Variants in MEGF10 observed in about 807,000 individuals in gnomAD.
MEGF10 encodes multiple EGF like domains 10.
A neutral mutation model predicts 147.5 loss-of-function variants in MEGF10; 86 were observed. The observed-to-expected ratio is 0.58, with a 90% CI of 0.49 to 0.70. MEGF10 has a LOEUF of 0.70. MEGF10 is among the 30% of genes least tolerant of loss of function. The pLI is 0.00. For synonymous variants in MEGF10, 478 were observed against 525.5 expected (o/e 0.91, Z 1.24); for missense variants, 1,329 against 1,487.3 (o/e 0.89, Z 1.75).
intron 10 of MEGF10, among the ~76,000 whole-genome samples, chr5:127,418,459 C>G (rs1021221539): frequency 6.6e-6 from 1 of 152,214 alleles, no homozygotes; most frequent in African/African-American, 2.4e-5. Flanking sequence ...TAATGTAGAA[C>G]TGGTGGATCA....
the MEGF10 span, among the ~76,000 whole-genome samples, chr5:127,263,570 T>C: frequency 7.9e-5 from 12 of 152,280 alleles, 1 homozygote; most frequent in Admixed American, 5.2e-4. Flanking sequence ...GGATTGCTTT[T>C]CCTGAATTCT....
intron 8 of MEGF10, among the ~76,000 whole-genome samples, chr5:127,404,028 A>C (rs905874626): frequency 1.3e-5 from 2 of 152,182 alleles, no homozygotes; most frequent in Non-Finnish European, 2.9e-5. Context: ...ACTGTTCTCC[A>C]TAGTGGTTGT....
chr5:127,288,239 G>A (rs555559667), upstream of MEGF10, among the ~76,000 whole-genome samples: 3 of 152,014 alleles, frequency 2.0e-5, no homozygotes, highest in East Asian at 1.9e-4. Context: ...ACAAAAACAC[G>A]CTTGATAAAC....
At chr5:127,271,667 C>G in the MEGF10 span, among the ~76,000 whole-genome samples, 3 of 152,024 alleles carry the variant, frequency 2.0e-5, no homozygotes, top group African/African-American at 7.2e-5. Flanking sequence ...TGAGTTCTTA[C>G]AAGATCTGAT....
chr5:127,301,254 A>C (rs2126714079), intron 1 of MEGF10, among the ~76,000 whole-genome samples: 1 of 152,278 alleles, frequency 6.6e-6, no homozygotes, highest in African/African-American at 2.4e-5. Flanking sequence ...TTTTCTCTTG[A>C]GAAGACCCTT....
At chr5:127,390,619 A>G (rs1267598387) in intron 5 of MEGF10, among the ~76,000 whole-genome samples, 1 of 152,142 alleles carries the variant, frequency 6.6e-6, no homozygotes, top group East Asian at 1.9e-4. Flanking sequence ...TATAATTATG[A>G]TATCATAAAT....
chr5:127,451,786 A>T (rs1766163140), intron 22 of MEGF10, among the ~76,000 whole-genome samples: 1 of 152,198 alleles, frequency 6.6e-6, no homozygotes, highest in South Asian at 2.1e-4. Flanking sequence ...ACTCAGGAAT[A>T]ATTCTGCATT....
intron 22 of MEGF10, among the ~76,000 whole-genome samples, chr5:127,450,765 G>T (rs1389842045): frequency 4.0e-5 from 6 of 151,758 alleles, no homozygotes; most frequent in Non-Finnish European, 7.4e-5. Context: ...TTTTGTTTTT[G>T]TTTTTGTTTT....
At chr5:127,430,047 G>T (rs1055628007) in intron 13 of MEGF10, among the ~76,000 whole-genome samples, 11 of 151,992 alleles carry the variant, frequency 7.2e-5, no homozygotes, top group African/African-American at 2.2e-4. Context: ...ACACTTCTTT[G>T]GGCCTCTGAG....
intron 13 of MEGF10, chr5:127,424,252 C>T (rs1440737546): frequency 2.9e-6 from 2 of 691,174 alleles, no homozygotes; most frequent in East Asian, 2.7e-5. Context: ...CTTATGCCAG[C>T]ACCATACAGT....
intron 9 of MEGF10, among the ~76,000 whole-genome samples, chr5:127,417,076 C>G (rs1345269286): frequency 6.6e-6 from 1 of 152,234 alleles, no homozygotes; most frequent in African/African-American, 2.4e-5. Flanking sequence ...ACAGAGGGCC[C>G]TATTGTGTCA....
At chr5:127,339,082 G>T in intron 2 of MEGF10, 38 bp from the exon 3 acceptor site, 1 of 1,363,130 alleles carries the variant, frequency 7.3e-7, no homozygotes, top group South Asian at 1.3e-5. Flanking sequence ...ATTTAAAAAA[G>T]AGAAATACTG....
chr5:127,240,381 G>A, the MEGF10 span, among the ~76,000 whole-genome samples: 1 of 152,178 alleles, frequency 6.6e-6, no homozygotes, highest in Non-Finnish European at 1.5e-5. Context: ...CCTCTAGGTT[G>A]AAAGCTCTCT....
chr5:127,419,710 A>G (rs1358888653), intron 11 of MEGF10, among the ~76,000 whole-genome samples: 1 of 151,982 alleles, frequency 6.6e-6, no homozygotes, highest in Non-Finnish European at 1.5e-5. Flanking sequence ...TAAATATTTC[A>G]CTTTCCTGAT....
At chr5:127,396,834 G>C in intron 6 of MEGF10, 56 bp downstream of exon 6, 1 of 1,571,952 alleles carries the variant, frequency 6.4e-7, no homozygotes, top group Non-Finnish European at 8.6e-7. Flanking sequence ...CTCCATTCAT[G>C]CTGCTGCTGC....
At chr5:127,240,692 GAT>G in the MEGF10 span, among the ~76,000 whole-genome samples, 1 of 152,170 alleles carries the variant, frequency 6.6e-6, no homozygotes, top group East Asian at 1.9e-4. Context: ...CATGCAAAAT[GAT>G]GCAGCAGTTC....
chr5:127,255,210 A>G, the MEGF10 span, among the ~76,000 whole-genome samples: 1 of 152,088 alleles, frequency 6.6e-6, no homozygotes, highest in African/African-American at 2.4e-5. Flanking sequence ...TCTGAAAATC[A>G]TCTCAAAAGA....
the MEGF10 span, among the ~76,000 whole-genome samples, chr5:127,255,365 A>G: frequency 6.6e-6 from 1 of 152,174 alleles, no homozygotes; most frequent in Non-Finnish European, 1.5e-5. Flanking sequence ...GTTATCATTT[A>G]ACTATGCCTA....
chr5:127,404,721 CTT>C (rs879403925), intron 8 of MEGF10, among the ~76,000 whole-genome samples: 2 of 145,342 alleles, frequency 1.4e-5, no homozygotes, highest in Non-Finnish European at 3.0e-5. Flanking sequence ...CCTGGAAACA[CTT>C]TTTTTTTTTT....
Sources: gnomAD v4.1 joint callset for allele counts (sites outside exome capture counted in the v4.1 genomes callset) on GRCh38, gnomAD v4.1.1 for gene constraint, MANE v1.5 for transcripts, NCBI Gene and HGNC (gene_info 2026-07-23, HGNC 2026-07-21) for gene names.